The following ABHD18 variants were observed in gnomAD, a reference collection of about 807,000 sequenced individuals.
The protein encoded by ABHD18 is cardiolipin-specific deacylase, mitochondrial.
A neutral mutation model predicts 65.9 loss-of-function variants in ABHD18; 55 were observed. The observed-to-expected ratio is 0.84, with a 90% CI of 0.67 to 1.05. The LOEUF is 1.05. ABHD18 is among the 50% of genes least tolerant of loss of function. ABHD18 has a pLI of 0.00. For synonymous variants in ABHD18, 181 were observed against 180.2 expected (o/e 1.00, Z -0.04); for missense variants, 533 against 558.5 (o/e 0.95, Z 0.46).
intron 2 of ABHD18, 61 bp downstream of exon 2, chr4:127,983,108 A>G: frequency 9.3e-6 from 11 of 1,183,746 alleles, no homozygotes; most frequent in Non-Finnish European, 1.3e-5. Flanking sequence ...AACATTTAAA[A>G]CTTTGTTATA....
chr4:127,967,794 T>G (rs1745937051), intron 1 of ABHD18, among the ~76,000 whole-genome samples: 1 of 152,130 alleles, frequency 6.6e-6, no homozygotes, highest in Non-Finnish European at 1.5e-5. Context: ...TGTAATTTTT[T>G]TTTATAAAGC....
chr4:127,972,035 A>G (rs1484882407), intron 1 of ABHD18, among the ~76,000 whole-genome samples: 2 of 152,170 alleles, frequency 1.3e-5, no homozygotes, highest in Non-Finnish European at 2.9e-5. Context: ...CTGTGGGTCT[A>G]TAATTTGCTA....
At chr4:127,973,921 T>G (rs1157178201) in intron 1 of ABHD18, among the ~76,000 whole-genome samples, 1 of 149,878 alleles carries the variant, frequency 6.7e-6, no homozygotes, top group Admixed American at 6.7e-5. Flanking sequence ...TGGAAGTGAG[T>G]TCTTGTCTCT....
In ABHD18 at chr4:128,009,007, T is replaced by G; in HGVS notation, c.357+9T>G. ...CTGGAACAGGAGATCATGTAAGACT[T>G]TATTATAATGCCTTAATCTCTAGAT... On this transcript the variant is annotated intron_variant, in intron 5 of 12. Coordinates refer to ENST00000645843, the MANE Select transcript of ABHD18 (RefSeq NM_001358451.3). 2 of 1,606,524 alleles carry G rather than the reference T, an allele frequency of 1.2e-6. No individual in the cohort carries two copies. The highest frequency in any genetic ancestry group is 8.5e-7 in the Non-Finnish European group (1 of 1,176,442).
chr4:127,969,203 T>C (rs1746253634), intron 1 of ABHD18, among the ~76,000 whole-genome samples: 1 of 151,026 alleles, frequency 6.6e-6, no homozygotes, highest in South Asian at 2.1e-4. Flanking sequence ...TTTTCTTTTT[T>C]CTTTTTTTTT....
At chr4:128,010,837 C>T (rs1158170030) in intron 6 of ABHD18, among the ~76,000 whole-genome samples, 1 of 151,244 alleles carries the variant, frequency 6.6e-6, no homozygotes, top group Non-Finnish European at 1.5e-5. Context: ...ATCCCTTGAA[C>T]CCAAGAGGCA....
At chr4:127,996,927 GTTCT>G (rs1751839224) in intron 4 of ABHD18, among the ~76,000 whole-genome samples, 1 of 152,138 alleles carries the variant, frequency 6.6e-6, no homozygotes, top group African/African-American at 2.4e-5. Context: ...CTGTTGTTCT[GTTCT>G]TTTTCAGGGT....
In ABHD18 at chr4:128,003,970, A is replaced by T. The variant is rs550865053; in HGVS notation, c.279-4950A>T. 6.0e-4 allele frequency among the ~76,000 whole-genome samples: 91 copies of T among 151,320 alleles called. 1 individual carries two copies. Among genetic ancestry groups the T allele is most frequent in the African/African-American group, 2.0e-3 (84 of 41,034 alleles). The stretch of plus-strand genomic sequence containing the variant: ...ATTTAAAAAAAAAAAAAACAAAAAA[A>T]AACCAAACAAACAAAAAACCATTTC... On this transcript the variant is annotated intron_variant, in intron 4 of 12. Coordinates refer to ENST00000645843, the MANE Select transcript of ABHD18 (RefSeq NM_001358451.3).
intron 7 of ABHD18, 26 bp from the exon 8 acceptor site, chr4:128,017,337 T>C (rs1186963874): frequency 3.1e-6 from 5 of 1,602,606 alleles, no homozygotes; most frequent in Admixed American, 1.8e-5. Context: ...AAAATAATCA[T>C]TTTCTATTTT....
At chr4:128,027,846 G>A (rs1757608832) in intron 10 of ABHD18, among the ~76,000 whole-genome samples, 1 of 151,828 alleles carries the variant, frequency 6.6e-6, no homozygotes, top group Non-Finnish European at 1.5e-5. Flanking sequence ...TAAAACTTTG[G>A]CTATAAAAAA....
rs112078402 is a variant in ABHD18, at chr4:127,975,911, C to T, written c.-17-7028C>T. 6.2e-3 allele frequency among the ~76,000 whole-genome samples: 946 copies of T among 152,190 alleles called. 18 individuals carry two copies. The highest frequency in any genetic ancestry group is 0.021 in the African/African-American group (888 of 41,522). On this transcript the variant is annotated intron_variant, in intron 1 of 12. Coordinates refer to ENST00000645843, the MANE Select transcript of ABHD18 (RefSeq NM_001358451.3). ...TACAGTCTCGGCTCACTGCAACCTCCGCCTCCCAGGTTCAAGTGATTTTCC... is the reference window on the plus strand; with the variant it reads ...TACAGTCTCGGCTCACTGCAACCTCTGCCTCCCAGGTTCAAGTGATTTTCC...
At chr4:128,033,736 C>T (rs543118765) in intron 12 of ABHD18, among the ~76,000 whole-genome samples, 35 of 151,404 alleles carry the variant, frequency 2.3e-4, no homozygotes, top group African/African-American at 8.5e-4. Context: ...CGGGGTTTCA[C>T]CATGTTAGCC....
At chr4:127,990,205 A>G (rs969083302) in intron 4 of ABHD18, among the ~76,000 whole-genome samples, 1 of 152,246 alleles carries the variant, frequency 6.6e-6, no homozygotes, top group African/African-American at 2.4e-5. Flanking sequence ...AGAAGTTTCC[A>G]AAGGATATAT....
chr4:128,034,689 T>C (rs942593159), intron 12 of ABHD18, among the ~76,000 whole-genome samples: 3 of 152,164 alleles, frequency 2.0e-5, no homozygotes, highest in Non-Finnish European at 4.4e-5. Context: ...TTCGCTCTTG[T>C]TGCCCAGGTT....
intron 8 of ABHD18, 142 bp from the exon 9 acceptor site, chr4:128,019,938 G>A (rs577672810): frequency 2.0e-6 from 1 of 510,592 alleles, no homozygotes; most frequent in Non-Finnish European, 3.5e-6. Flanking sequence ...TTAATGAGGT[G>A]GCTAGACATT....
chr4:128,021,265 TTGG>T, intron 10 of ABHD18, 27 bp downstream of exon 10: 1 of 1,308,882 alleles, frequency 7.6e-7, no homozygotes, highest in Non-Finnish European at 1.1e-6. Context: ...CCACCCAACA[TTGG>T]TGGTGGGGGG....
chr4:127,995,603 TTTAA>T (rs1488531135), intron 4 of ABHD18, among the ~76,000 whole-genome samples: 2 of 152,164 alleles, frequency 1.3e-5, no homozygotes, highest in Admixed American at 6.5e-5. Flanking sequence ...AAAATAATAC[TTTAA>T]TTTTCACTGC....
chr4:128,013,185 T>C lies in ABHD18; in HGVS notation c.470+1485T>C, dbSNP rs565933347. 3.3e-5 allele frequency among the ~76,000 whole-genome samples: 5 copies of C among 152,054 alleles called. No individual in the cohort carries two copies. The South Asian group carries it at 6.2e-4, about 19-fold the overall frequency. ...GAGGACTTTAAGCAGATGAGTGGCCTGATTTATATTTTTTAAAACCTACTT... is the reference window on the plus strand; with the variant it reads ...GAGGACTTTAAGCAGATGAGTGGCCCGATTTATATTTTTTAAAACCTACTT... On this transcript the variant is annotated intron_variant, in intron 7 of 12. Coordinates refer to ENST00000645843, the MANE Select transcript of ABHD18 (RefSeq NM_001358451.3).
intron 1 of ABHD18, among the ~76,000 whole-genome samples, chr4:127,972,054 CAG>C (rs1289157366): frequency 6.6e-6 from 1 of 152,036 alleles, no homozygotes; most frequent in Non-Finnish European, 1.5e-5. Context: ...TAGAATGACT[CAG>C]AACTCAGGAA....
Sources: gnomAD v4.1 joint callset for allele counts (sites outside exome capture counted in the v4.1 genomes callset) on GRCh38, gnomAD v4.1.1 for gene constraint, MANE v1.5 for transcripts, NCBI Gene and HGNC (gene_info 2026-07-23, HGNC 2026-07-21) for gene names.